Variants in ATP2A2 observed in about 807,000 individuals in gnomAD.
The protein encoded by ATP2A2 is ATPase sarcoplasmic/endoplasmic reticulum Ca2+ transporting 2.
ATP2A2 carries 14 observed loss-of-function variants against 109.3 expected under a neutral mutation model. The observed-to-expected ratio is 0.13, with a 90% CI of 0.08 to 0.20. The LOEUF is 0.20. ATP2A2 is among the 10% of genes least tolerant of loss of function. The pLI, the probability that ATP2A2 is intolerant of heterozygous loss-of-function variation, is 1.00. For synonymous variants in ATP2A2, 506 were observed against 490.9 expected (o/e 1.03, Z -0.41); for missense variants, 657 against 1,321.6 (o/e 0.50, Z 7.80).
At chr12:110,326,620 G>A in intron 7 of ATP2A2, 145 bp downstream of exon 7, 2 of 886,866 alleles carry the variant, frequency 2.3e-6, no homozygotes, top group Non-Finnish European at 3.6e-6. Flanking sequence ...TCAGAATATG[G>A]CAGTAACATA....
chr12:110,309,523 C>G (rs895444056), intron 5 of ATP2A2, among the ~76,000 whole-genome samples: 2 of 152,140 alleles, frequency 1.3e-5, no homozygotes, highest in African/African-American at 4.8e-5. Context: ...GGTAAGCATA[C>G]ATAGCAAATG....
intron 5 of ATP2A2, among the ~76,000 whole-genome samples, chr12:110,319,432 AT>A (rs1339778722): frequency 1.3e-5 from 2 of 151,630 alleles, no homozygotes; most frequent in South Asian, 2.1e-4. Flanking sequence ...GGCATTTGAC[AT>A]TTGTTCCTCT....
Position 110,342,806 on chromosome 12 carries a change from C to T in ATP2A2, c.2318+358C>T, listed in dbSNP as rs900753899. On this transcript the variant is annotated intron_variant, in intron 15 of 19. Transcript: ENST00000539276. The surrounding 1 kb of genome is among the most constrained non-coding windows in gnomAD (Gnocchi z 4.6). ...GACAGTCTCGCTGTCGCCCAGGCTT[C>T]GGGCAGTGGCACGATCTCAGCTCAC... 3.9e-5 allele frequency among the ~76,000 whole-genome samples: 6 copies of T among 152,094 alleles called. No homozygotes were observed. Among genetic ancestry groups the T allele is most frequent in the African/African-American group, 1.4e-4 (6 of 41,420 alleles).
At chr12:110,332,719 G>A (rs1566233010) in intron 9 of ATP2A2, 34 bp downstream of exon 9, 1 of 1,527,320 alleles carries the variant, frequency 6.5e-7, no homozygotes. Flanking sequence ...AAAGGATCTG[G>A]TGTGGCAGTT....
intron 5 of ATP2A2, among the ~76,000 whole-genome samples, chr12:110,311,975 G>C (rs1305293778): frequency 6.6e-6 from 1 of 152,072 alleles, no homozygotes; most frequent in African/African-American, 2.4e-5. Flanking sequence ...AGGAGTTTGA[G>C]ACCAGCCTGG....
Position 110,339,130 on chromosome 12 carries a change from A to G in ATP2A2, c.1420-151A>G. The G allele has an allele frequency of 9.8e-7, 1 of 1,020,944 alleles. No homozygotes were observed. Among genetic ancestry groups the G allele is most frequent in the Non-Finnish European group, 1.5e-6 (1 of 677,602 alleles). 63.2% of individuals were successfully genotyped at this position (1,020,944 alleles called of 1,614,324 possible). The stretch of plus-strand genomic sequence containing the variant: ...CATCTTAGTCTGTCTCTCCCAAAAT[A>G]GGGGACAAGTTTCATGAGGGCAAAA... On this transcript the variant is annotated intron_variant, in intron 11 of 19. Coordinates refer to ENST00000539276, the MANE Select transcript of ATP2A2 (RefSeq NM_170665.4). This position sits in a 1 kb window ranked among gnomAD's most constrained non-coding sequence, Gnocchi z 4.4.
At chr12:110,282,910 G>A in intron 3 of ATP2A2, 115 bp downstream of exon 3, 2 of 917,186 alleles carry the variant, frequency 2.2e-6, no homozygotes, top group Non-Finnish European at 3.4e-6. Context: ...TGCAAGCTGT[G>A]TCTCTATGTT....
In ATP2A2 at chr12:110,309,908, C is replaced by CA. The variant is rs58660341; in HGVS notation, c.464-13070dup. On this transcript the variant is annotated intron_variant, in intron 5 of 19. Coordinates refer to ENST00000539276, the MANE Select transcript of ATP2A2 (RefSeq NM_170665.4). ...TGGGCAACAGAGTGAGACCCTGACT[C>CA]AAAAAAAAAAAAAAGAGAAAGTGAC... is the stretch of plus-strand genomic sequence containing the variant. 3.8e-3 allele frequency among the ~76,000 whole-genome samples: 515 copies of CA among 135,708 alleles called. 1 individual carries two copies. Among genetic ancestry groups the CA allele is most frequent in the South Asian group, 7.9e-3 (32 of 4,050 alleles). 89.0% of individuals were successfully genotyped at this position (135,708 alleles called of 152,430 possible).
Position 110,342,476 on chromosome 12 carries a change from T to C in ATP2A2, c.2318+28T>C. The C allele has an allele frequency of 6.2e-7, 1 of 1,607,182 alleles. No homozygotes were observed. The highest frequency in any genetic ancestry group is 8.5e-7 in the Non-Finnish European group (1 of 1,175,394). ...AGGTCTCTGTGACAGCATCACTTACTGTACGCCTTTATCTAAATGGGTCAT... is the reference window on the plus strand; with the variant it reads ...AGGTCTCTGTGACAGCATCACTTACCGTACGCCTTTATCTAAATGGGTCAT... On this transcript the variant is annotated intron_variant, in intron 15 of 19. Transcript: ENST00000539276. The surrounding 1 kb of genome is among the most constrained non-coding windows in gnomAD (Gnocchi z 4.6).
At chr12:110,281,050 G>T (rs1871995446), upstream of ATP2A2, 1 of 151,366 alleles carries the variant, frequency 6.6e-6, no homozygotes, top group African/African-American at 2.4e-5. Context: ...GCGCGGCCTC[G>T]ATCCGGGTTC....
At chr12:110,305,151 C>T (rs1875140222) in intron 5 of ATP2A2, among the ~76,000 whole-genome samples, 1 of 152,150 alleles carries the variant, frequency 6.6e-6, no homozygotes, top group South Asian at 2.1e-4. Flanking sequence ...CCAGGCTGGT[C>T]TTGAACTCCT....
At chr12:110,300,044 C>T (rs1874396789) in intron 5 of ATP2A2, among the ~76,000 whole-genome samples, 1 of 151,630 alleles carries the variant, frequency 6.6e-6, no homozygotes, top group African/African-American at 2.4e-5. Context: ...GAGTGAGCCA[C>T]CACGCACGGC....
chr12:110,281,090 C>A (rs914683810), upstream of ATP2A2: 1 of 150,092 alleles, frequency 6.7e-6, no homozygotes, highest in Non-Finnish European at 1.5e-5. Context: ...GGGGGCGGGG[C>A]CTGCGCGGCA....
chr12:110,293,381 T>G (rs544680526), intron 4 of ATP2A2, among the ~76,000 whole-genome samples: 25,689 of 121,386 alleles, frequency 0.21, 2,828 homozygotes, highest in Admixed American at 0.31. Context: ...TTTTTTTTTT[T>G]TTTTTTTGTT....
At chr12:110,330,004 CTAGGT>C (rs572107945) in intron 8 of ATP2A2, 6 of 152,156 alleles carry the variant, frequency 3.9e-5, no homozygotes, top group African/African-American at 1.4e-4. Context: ...ATAGGGATTG[CTAGGT>C]TAGATTACAA....
intron 5 of ATP2A2, among the ~76,000 whole-genome samples, chr12:110,321,813 G>T (rs1040707987): frequency 6.6e-6 from 1 of 152,156 alleles, no homozygotes; most frequent in African/African-American, 2.4e-5. Context: ...AAGGTGCATG[G>T]CTTTGTCTGT....
intron 3 of ATP2A2, among the ~76,000 whole-genome samples, chr12:110,285,742 A>G (rs1016769147): frequency 1.3e-5 from 2 of 152,178 alleles, no homozygotes; most frequent in African/African-American, 4.8e-5. Flanking sequence ...TATGGTAATA[A>G]TTTGCATAGG....
Position 110,339,573 on chromosome 12 carries a change from C to T in ATP2A2, c.1613C>T (p.Ser538Phe). 6.2e-7 allele frequency: 1 copy of T among 1,614,156 alleles called. No homozygotes were observed. The highest frequency in any genetic ancestry group is 8.5e-7 in the Non-Finnish European group (1 of 1,180,040). ...GGAAGTACTAAGGTTCCTATGACCT[C>T]TGGAGTCAAACAGAAGATCATGTCT... ...RVGSTKVPMT[S>F]GVKQKIMSVI... The change falls in exon 13 of 20, where the codon TCT (serine) becomes TTT (phenylalanine). Residue 538 changes from serine (S) to phenylalanine (F), a missense_variant. By Grantham distance (155) the Ser-to-Phe change is radical. Around this residue, in one of 9 missense-constraint regions of ATP2A2, gnomAD observed 180 missense variants for 329.1 expected, o/e 0.55. Coordinates refer to ENST00000539276, the MANE Select transcript of ATP2A2 (RefSeq NM_170665.4). The surrounding 1 kb of genome is among the most constrained non-coding windows in gnomAD (Gnocchi z 4.4).
chr12:110,323,191 A>G (rs980298585), intron 6 of ATP2A2, 119 bp downstream of exon 6: 1 of 836,456 alleles, frequency 1.2e-6, no homozygotes, highest in Non-Finnish European at 2.0e-6. Context: ...TCTCTAAGAT[A>G]CTTATTTCTT....
Sources: allele counts gnomAD v4.1 joint callset (sites outside exome capture counted in the v4.1 genomes callset), GRCh38; gene constraint gnomAD v4.1.1; regional missense constraint gnomAD v4.1.1; non-coding constraint Gnocchi (gnomAD v3.1); transcripts MANE v1.5; gene names NCBI Gene and HGNC (gene_info 2026-07-23, HGNC 2026-07-21).